Variants in HEPHL1 observed in about 807,000 individuals in gnomAD.
The protein encoded by HEPHL1 is hephaestin like 1.
HEPHL1 carries 123 observed loss-of-function variants against 122.0 expected under a neutral mutation model. The observed-to-expected ratio is 1.01, with a 90% CI of 0.87 to 1.17. The LOEUF (loss-of-function observed/expected upper bound fraction) is 1.17, where lower values mean the gene tolerates loss of function less well. Among genes scored for constraint, HEPHL1 ranks in the 50% most tolerant of loss-of-function variants. HEPHL1 has a pLI of 0.00. For synonymous variants in HEPHL1, 527 were observed against 508.9 expected, an observed-to-expected ratio of 1.04 and a Z score of -0.48; for missense variants, 1,452 against 1,430.5, an observed-to-expected ratio of 1.01 and a Z score of -0.24.
chr11:94,039,191 C>A (rs1258477685), intron 1 of HEPHL1, among the ~76,000 whole-genome samples: 1 of 124,970 alleles, frequency 8.0e-6, no homozygotes, highest in Non-Finnish European at 1.7e-5. Flanking sequence ...TATATATGCA[C>A]CCAATACAGG....
At chr11:94,078,191 A>G (rs1234067477) in intron 9 of HEPHL1, among the ~76,000 whole-genome samples, 1 of 152,114 alleles carries the variant, frequency 6.6e-6, no homozygotes, top group Non-Finnish European at 1.5e-5. Flanking sequence ...TAAGAAGTTT[A>G]GTTAGCAGAA....
rs1357060385 is a variant in HEPHL1, at chr11:94,094,013, T to TAAAA, written c.2434+374_2434+377dup. ...ATATATATATATATATATATATATA[T>TAAAA]AAAACTTTAAGTTCTAGGGTACATG... On this transcript the variant is annotated intron_variant, in intron 13 of 19. Transcript: ENST00000315765. Among the ~76,000 whole-genome samples, 519 of 121,698 alleles carry TAAAA rather than the reference T, an allele frequency of 4.3e-3. 13 individuals carry two copies. Among genetic ancestry groups the TAAAA allele is most frequent in the African/African-American group, 0.019 (494 of 26,492 alleles). 79.8% of individuals were successfully genotyped at this position (121,698 alleles called of 152,430 possible).
intron 2 of HEPHL1, among the ~76,000 whole-genome samples, chr11:94,048,944 A>T (rs1945864398): frequency 6.6e-6 from 1 of 151,864 alleles, no homozygotes; most frequent in African/African-American, 2.4e-5. Context: ...AACAGGCGAA[A>T]CCCCATCTCT....
chr11:94,101,109 T>C lies in HEPHL1; in HGVS notation c.2435-86T>C, dbSNP rs1565362511. On this transcript the variant is annotated intron_variant, in intron 13 of 19. Coordinates refer to ENST00000315765, the MANE Select transcript of HEPHL1 (RefSeq NM_001098672.2). ...AAAAACAACTAAAGCCAAACTATTT[T>C]ATTTGACTAACTACTGCCTATATTT... 4.1e-6 allele frequency: 6 copies of C among 1,453,852 alleles called. No individual in the cohort carries two copies. The Admixed American group carries it at 1.0e-4, about 24-fold the overall frequency. The allele number at this position is 1,453,852 out of a possible 1,614,324, so 90.1% of individuals were successfully genotyped here.
intron 9 of HEPHL1, among the ~76,000 whole-genome samples, chr11:94,081,964 C>A (rs530784627): frequency 1.3e-5 from 2 of 152,192 alleles, no homozygotes; most frequent in South Asian, 4.2e-4. Context: ...TTCTTCAATT[C>A]ATGTTCCACA....
At position 94,073,041 on chromosome 11, in the gene HEPHL1, T is replaced by C; in HGVS notation, c.1249T>C (p.Phe417Leu). 1 of 1,612,838 alleles carries C rather than the reference T, an allele frequency of 6.2e-7. No homozygotes were observed. Among genetic ancestry groups the C allele is most frequent in the South Asian group, 1.1e-5 (1 of 91,022 alleles). The change falls in exon 7 of 20, where the codon TTC becomes CTC. Residue 417 changes from phenylalanine to leucine, a missense_variant. By Grantham distance (22) the Phe-to-Leu change is conservative (BLOSUM62 0). Coordinates refer to ENST00000315765, the MANE Select transcript of HEPHL1 (RefSeq NM_001098672.2). ...NASGSDSDLY[F>L]TQGDNRIGGK... Reference sequence around the variant, plus strand: ...TCTTTTCAGTGACTCTGATCTCTACTTCACACAAGGGGACAACAGAATAGG... The same window carrying C: ...TCTTTTCAGTGACTCTGATCTCTACCTCACACAAGGGGACAACAGAATAGG...
In HEPHL1 at chr11:94,021,452, G is replaced by A. The variant is rs555905669; in HGVS notation, c.84G>A (p.Thr28=). The A allele has an allele frequency of 1.1e-5, 18 of 1,613,076 alleles. No homozygotes were observed. In the East Asian group the frequency reaches 2.2e-4, roughly 20 times the overall value. Reference sequence around the variant, plus strand: ...GGCTGGTTGGCACAGTTACCAGAACGTACTACATTGGGATTGTGGAAGAAT... The same window carrying A: ...GGCTGGTTGGCACAGTTACCAGAACATACTACATTGGGATTGTGGAAGAAT... ...LSGLVGTVTR[T]YYIGIVEEYW... The change falls in exon 1 of 20, where the codon ACG becomes ACA. Residue 28 remains threonine (T), a synonymous_variant. Transcript: ENST00000315765.
rs564717197 is a variant in HEPHL1 at position 94,064,594 on chromosome 11, T to C, written c.808+84T>C. 5.6e-5 allele frequency: 51 copies of C among 912,456 alleles called. No homozygotes were observed. The South Asian group carries it at 7.8e-4, about 14-fold the overall frequency. The allele number at this position is 912,456 out of a possible 1,614,324, so 56.5% of individuals were successfully genotyped here. On this transcript the variant is annotated intron_variant, in intron 4 of 19. Coordinates refer to ENST00000315765, the MANE Select transcript of HEPHL1 (RefSeq NM_001098672.2). Reference sequence around the variant, plus strand: ...AAGGGATAAAAAATACACAGAAATGTTGATCTGAGTTTGGCATGATTTATA... The same window carrying C: ...AAGGGATAAAAAATACACAGAAATGCTGATCTGAGTTTGGCATGATTTATA...
chr11:94,106,418 G>T (rs1318634329), intron 17 of HEPHL1, among the ~76,000 whole-genome samples: 2 of 150,538 alleles, frequency 1.3e-5, no homozygotes, highest in Admixed American at 1.3e-4. Context: ...TCAGCCTCCC[G>T]AGTAGCTGGG....
intron 2 of HEPHL1, among the ~76,000 whole-genome samples, chr11:94,047,521 C>T (rs1945851020): frequency 6.6e-6 from 1 of 151,866 alleles, no homozygotes. Context: ...TATCCATGTC[C>T]CTGCAAAGGA....
At position 94,113,484 on chromosome 11, in the gene HEPHL1, C is replaced by T. The variant is rs1184074537; in HGVS notation, c.*1590C>T. The T allele has an allele frequency of 6.6e-6, 1 of 152,174 alleles. No individual in the cohort carries two copies. The highest frequency in any genetic ancestry group is 2.4e-5 in the African/African-American group (1 of 41,444). 9.4% of individuals were successfully genotyped at this position (152,174 alleles called of 1,614,324 possible). ...TTCTGTTCATAGTTTGCTTGAATGT[C>T]ATATCAAACAGCATACACAAAAGAT... On this transcript the variant is annotated 3_prime_UTR_variant, in exon 20 of 20. Transcript: ENST00000315765.
chr11:94,067,261 T>G (rs1212512266), intron 4 of HEPHL1, among the ~76,000 whole-genome samples: 5 of 152,206 alleles, frequency 3.3e-5, no homozygotes. Flanking sequence ...CTGTTCTCAG[T>G]GTATGCTGAT....
At chr11:94,110,554 TG>T (rs1314900982) in intron 17 of HEPHL1, among the ~76,000 whole-genome samples, 1 of 152,178 alleles carries the variant, frequency 6.6e-6, no homozygotes, top group Non-Finnish European at 1.5e-5. Context: ...AACCTAATCT[TG>T]GAATTGGAAT....
intron 2 of HEPHL1, among the ~76,000 whole-genome samples, chr11:94,060,326 T>A (rs1945977420): frequency 1.3e-5 from 2 of 151,820 alleles, no homozygotes; most frequent in African/African-American, 4.8e-5. Context: ...ATATACATAC[T>A]ATATATGTGT....
intron 1 of HEPHL1, among the ~76,000 whole-genome samples, chr11:94,037,699 C>A (rs954145065): frequency 6.6e-6 from 1 of 152,040 alleles, no homozygotes; most frequent in Non-Finnish European, 1.5e-5. Flanking sequence ...GAAAGGACAT[C>A]CACACCGAAT....
intron 10 of HEPHL1, among the ~76,000 whole-genome samples, chr11:94,083,859 A>C (rs1398773275): frequency 2.0e-5 from 3 of 152,200 alleles, no homozygotes; most frequent in Admixed American, 1.3e-4. Context: ...GGGGAAATTA[A>C]GGTGGAAATA....
chr11:94,062,316 A>G (rs1284019619), intron 2 of HEPHL1, among the ~76,000 whole-genome samples: 1 of 152,244 alleles, frequency 6.6e-6, no homozygotes, highest in African/African-American at 2.4e-5. Context: ...TAATGTATAC[A>G]AAGTATCCAC....
chr11:94,107,007 G>A (rs537116856), intron 17 of HEPHL1, among the ~76,000 whole-genome samples: 27 of 152,240 alleles, frequency 1.8e-4, no homozygotes, highest in African/African-American at 6.0e-4. Flanking sequence ...GGGGAACTAT[G>A]TAAAAACCCA....
At chr11:94,065,244 G>C (rs1946024013) in intron 4 of HEPHL1, among the ~76,000 whole-genome samples, 2 of 152,082 alleles carry the variant, frequency 1.3e-5, no homozygotes, top group African/African-American at 4.8e-5. Context: ...TCCTTCTATT[G>C]CTTCTCTGTC....
Sources: gnomAD v4.1 joint callset for allele counts (sites outside exome capture counted in the v4.1 genomes callset) on GRCh38, gnomAD v4.1.1 for gene constraint, MANE v1.5 for transcripts, NCBI Gene and HGNC (gene_info 2026-07-23, HGNC 2026-07-21) for gene names.